PTPRS: variants seen among roughly 807,000 people sequenced by gnomAD.
PTPRS encodes protein tyrosine phosphatase receptor type S.
In PTPRS, 63 loss-of-function variants were observed where a neutral mutation model predicts 215.3. The observed-to-expected ratio is 0.29, with a 90% CI of 0.24 to 0.36. The LOEUF is 0.36. Ranked by LOEUF, PTPRS falls within the 10% of genes least tolerant of loss-of-function variation. PTPRS has a pLI of 1.00. For synonymous variants in PTPRS, 1,404 were observed against 1,191.4 expected, an observed-to-expected ratio of 1.18 and a Z score of -3.68; for missense variants, 2,258 against 2,825.8, an observed-to-expected ratio of 0.80 and a Z score of 4.56.
chr19:5,224,593 T>C (rs184137179), intron 17 of PTPRS, among the ~76,000 whole-genome samples: 1 of 152,338 alleles, frequency 6.6e-6, no homozygotes, highest in East Asian at 1.9e-4. Context: ...ACTTCTCTAC[T>C]GCAGGACTTA....
At chr19:5,312,530 G>A (rs949069930) in intron 1 of PTPRS, among the ~76,000 whole-genome samples, 13 of 152,054 alleles carry the variant, frequency 8.5e-5, no homozygotes, top group Middle Eastern at 3.4e-3. Context: ...GCGTGGTGGC[G>A]CATGCCTGTA....
intron 2 of PTPRS, among the ~76,000 whole-genome samples, chr19:5,280,091 T>C (rs1363156767): frequency 6.6e-6 from 1 of 152,242 alleles, no homozygotes; most frequent in Non-Finnish European, 1.5e-5. Context: ...GAGGAGAGGC[T>C]GAGGTCTAAC....
chr19:5,288,565 C>T (rs2048551945), intron 1 of PTPRS, among the ~76,000 whole-genome samples: 1 of 152,216 alleles, frequency 6.6e-6, no homozygotes, highest in Admixed American at 6.5e-5. Flanking sequence ...GCTAGGGTGA[C>T]CACAGCGGCT....
chr19:5,310,405 C>T (rs1363879090), intron 1 of PTPRS, among the ~76,000 whole-genome samples: 1 of 149,474 alleles, frequency 6.7e-6, no homozygotes, highest in African/African-American at 2.5e-5. Context: ...ACAACCTCCG[C>T]TTCCCCCGTT....
chr19:5,331,297 ATT>A (rs60930224), intron 1 of PTPRS, among the ~76,000 whole-genome samples: 2 of 150,356 alleles, frequency 1.3e-5, no homozygotes, highest in African/African-American at 4.9e-5. Context: ...CCCTCGGCTG[ATT>A]TTTTTTTGTT....
intron 1 of PTPRS, among the ~76,000 whole-genome samples, chr19:5,298,470 C>G (rs2049207793): frequency 6.6e-6 from 1 of 152,238 alleles, no homozygotes; most frequent in African/African-American, 2.4e-5. Flanking sequence ...TAGGTACAAA[C>G]TCTGTACTCT....
chr19:5,264,200 C>T (rs2046238517), intron 5 of PTPRS, among the ~76,000 whole-genome samples: 1 of 152,226 alleles, frequency 6.6e-6, no homozygotes, highest in Admixed American at 6.5e-5. Context: ...GACTCTCTCC[C>T]TGTAGTTTTC....
chr19:5,277,053 T>C (rs2047433326), intron 2 of PTPRS, among the ~76,000 whole-genome samples: 1 of 124,390 alleles, frequency 8.0e-6, no homozygotes, highest in South Asian at 2.7e-4. Flanking sequence ...CTGCTGAGTT[T>C]TGTGTTTTTT....
chr19:5,288,308 T>C (rs576820050), intron 1 of PTPRS, among the ~76,000 whole-genome samples: 33 of 152,004 alleles, frequency 2.2e-4, no homozygotes, highest in Admixed American at 1.9e-3. Flanking sequence ...CAAATAGAGA[T>C]ATGCAAAGTC....
rs750890163 is a variant in PTPRS, at chr19:5,258,096, G to A, written c.627C>T (p.Thr209=). 3.3e-5 allele frequency: 53 copies of A among 1,614,056 alleles called. No individual in the cohort carries two copies. The highest frequency in any genetic ancestry group is 4.2e-5 in the Non-Finnish European group (50 of 1,180,026). Residue 209 remains threonine (T), a synonymous_variant, in exon 8 of 38, where the codon ACC becomes ACT. Transcript: ENST00000262963. ...GALQIESSEE[T]DQGKYECVAT... ...CCACACACTCATATTTGCCCTGGTC[G>A]GTTTCCTCACTGCTTTCAATCTGCA...
At chr19:5,234,943 C>CT (rs113097365) in intron 13 of PTPRS, among the ~76,000 whole-genome samples, 2,438 of 137,798 alleles carry the variant, frequency 0.018, 26 homozygotes, top group Middle Eastern at 0.035. Context: ...TTCTTTCTTT[C>CT]TTTTTTTTTT....
rs374990235 is a variant in PTPRS at position 5,222,919 on chromosome 19, C to T, written c.2873G>A (p.Arg958His). Residue 958 changes from arginine (R) to histidine (H), a missense_variant, in exon 18 of 38, where the codon CGC (arginine) becomes CAC (histidine). Arg to His is a conservative substitution (Grantham distance 29). Around this residue, in one of 6 missense-constraint regions of PTPRS, gnomAD observed 361 missense variants for 332.6 expected, o/e 1.09. Transcript: ENST00000262963. ...LRWLPPVPAE[R>H]NGAIVKYTVA... The stretch of plus-strand genomic sequence containing the variant: ...CGTGTATTTGACGATGGCCCCGTTG[C>T]GCTCGGCGGGCACGGGTGGCAGCCA... 5 of 1,564,822 alleles carry T rather than the reference C, an allele frequency of 3.2e-6. No individual in the cohort carries two copies. The highest frequency in any genetic ancestry group is 1.1e-5 in the South Asian group (1 of 87,146).
At position 5,267,427 on chromosome 19, in the gene PTPRS, C is replaced by T. The variant is rs371793683; in HGVS notation, c.380-2231G>A. ...ATCCCAGCACTTTGGGAGGACGAAGCAGGTGGATCACCTGAGGTCAGGAGT... is the reference window on the plus strand; with the variant it reads ...ATCCCAGCACTTTGGGAGGACGAAGTAGGTGGATCACCTGAGGTCAGGAGT... On this transcript the variant is annotated intron_variant, in intron 4 of 37. Coordinates refer to ENST00000262963, the MANE Select transcript of PTPRS (RefSeq NM_002850.4). Among the ~76,000 whole-genome samples, 30 of 152,232 alleles carry T rather than the reference C, an allele frequency of 2.0e-4. No individual in the cohort carries two copies. In the East Asian group the frequency reaches 5.6e-3, roughly 28 times the overall value.
chr19:5,229,443 G>C, intron 15 of PTPRS, 48 bp downstream of exon 15: 2 of 1,373,698 alleles, frequency 1.5e-6, no homozygotes, highest in Non-Finnish European at 1.9e-6. Flanking sequence ...GCAAGGGCCC[G>C]TCCCCGCCCG....
chr19:5,297,465 G>A (rs1054561212), intron 1 of PTPRS, among the ~76,000 whole-genome samples: 5 of 152,186 alleles, frequency 3.3e-5, no homozygotes, highest in Non-Finnish European at 5.9e-5. Context: ...TAAGCATGAT[G>A]GAACCAGCAC....
Position 5,206,898 on chromosome 19 carries a change from C to T in PTPRS, c.5779-56G>A, listed in dbSNP as rs933858237. 5 of 1,532,036 alleles carry T rather than the reference C, an allele frequency of 3.3e-6. No individual in the cohort carries two copies. In the African/African-American group the frequency reaches 6.8e-5, roughly 21 times the overall value. The allele number at this position is 1,532,036 out of a possible 1,614,324, so 94.9% of individuals were successfully genotyped here. A position where few individuals can be genotyped will look rare whatever the true frequency, so the allele number is the denominator to read the frequency against. On this transcript the variant is annotated intron_variant, in intron 37 of 37. Transcript: ENST00000262963. ...TCCGCTGCTCTAACGCCTCCCAGGG[C>T]TCCCTATCGCCCTCAGGAGCAGGCC...
At position 5,208,404 on chromosome 19, in the gene PTPRS, G is replaced by A; in HGVS notation, c.5488-13C>T. The A allele has an allele frequency of 6.4e-7, 1 of 1,565,374 alleles. No individual in the cohort carries two copies. The highest frequency in any genetic ancestry group is 8.7e-7 in the Non-Finnish European group (1 of 1,153,172). On this transcript the variant is annotated splice_polypyrimidine_tract_variant and intron_variant, in intron 35 of 37. Transcript: ENST00000262963. ...GGGACTGGCCATCCTAGAGTGCAGA[G>A]AGCCCAATCTTGTTATCAGGTCAGC...
chr19:5,263,307 C>G (rs139439318), intron 5 of PTPRS, among the ~76,000 whole-genome samples: 2 of 152,070 alleles, frequency 1.3e-5, no homozygotes, highest in African/African-American at 4.8e-5. Flanking sequence ...ATTTGTCCCC[C>G]CAGTGTGAGG....
rs115544695 is a variant in PTPRS, at chr19:5,264,921, T to C, written c.568+87A>G. 2,098 of 1,439,140 alleles carry C rather than the reference T, an allele frequency of 1.5e-3. 33 individuals are homozygous for C. The African/African-American group carries it at 0.026, about 18-fold the overall frequency. 89.1% of individuals were successfully genotyped at this position (1,439,140 alleles called of 1,614,324 possible). ...CACACTGTCTCTGTCTGTCCTCCAG[T>C]AGTCCCCAGAACTTGGGCCCTGGAG... On this transcript the variant is annotated intron_variant, in intron 5 of 37. Coordinates refer to ENST00000262963, the MANE Select transcript of PTPRS (RefSeq NM_002850.4).
Sources: allele counts gnomAD v4.1 joint callset (sites outside exome capture counted in the v4.1 genomes callset), GRCh38; gene constraint gnomAD v4.1.1; regional missense constraint gnomAD v4.1.1; transcripts MANE v1.5; gene names NCBI Gene and HGNC (gene_info 2026-07-23, HGNC 2026-07-21).